Variants in STX8 observed in about 807,000 individuals in gnomAD.
The protein encoded by STX8 is syntaxin-8.
STX8 carries 23 observed loss-of-function variants against 37.5 expected under a neutral mutation model. The observed-to-expected ratio is 0.61, with a 90% CI of 0.44 to 0.87. The LOEUF is 0.87. Ranked by LOEUF, STX8 falls within the 40% of genes least tolerant of loss-of-function variation. The pLI is 0.00. For missense variants in STX8, 313 were observed against 284.7 expected (o/e 1.10, Z -0.71); for synonymous variants, 115 against 99.1 (o/e 1.16, Z -0.95).
chr17:9,376,983 C>T (rs1911614053), intron 7 of STX8, among the ~76,000 whole-genome samples: 2 of 152,164 alleles, frequency 1.3e-5, no homozygotes, highest in Admixed American at 6.5e-5. Context: ...GGACCAGAAG[C>T]ACAGGGCAGG....
rs1371759405 is a variant in STX8 at position 9,333,986 on chromosome 17, A to G, written c.643+44566T>C. On this transcript the variant is annotated intron_variant, in intron 7 of 7. Transcript: ENST00000306357. The stretch of plus-strand genomic sequence containing the variant: ...GGAGACTGGAGTTTTATTATTACTC[A>G]AGCCAGTCTCCCTGAACATTTGGGG... Among the ~76,000 whole-genome samples the G allele has an allele frequency of 3.3e-5, 5 of 152,282 alleles. No individual in the cohort carries two copies. The East Asian group carries it at 7.7e-4, about 24-fold the overall frequency.
chr17:9,259,407 A>G (rs1346618484), intron 7 of STX8, among the ~76,000 whole-genome samples: 2 of 152,242 alleles, frequency 1.3e-5, no homozygotes, highest in Non-Finnish European at 2.9e-5. Context: ...TCTCAGCTTA[A>G]CAACAGAAAT....
At chr17:9,488,545 A>G (rs1274877587) in intron 6 of STX8, among the ~76,000 whole-genome samples, 1 of 152,108 alleles carries the variant, frequency 6.6e-6, no homozygotes, top group East Asian at 1.9e-4. Flanking sequence ...TAAAAGTAGA[A>G]GAGGGAGGCA....
At chr17:9,390,140 C>T (rs918136413) in intron 6 of STX8, among the ~76,000 whole-genome samples, 1 of 152,180 alleles carries the variant, frequency 6.6e-6, no homozygotes, top group Non-Finnish European at 1.5e-5. Flanking sequence ...TTATACACAG[C>T]CAGATGGGCC....
chr17:9,372,779 ATTT>A (rs72485507), intron 7 of STX8, among the ~76,000 whole-genome samples: 17 of 109,538 alleles, frequency 1.6e-4, no homozygotes, highest in Admixed American at 2.9e-4. Flanking sequence ...CCCAGCCCTC[ATTT>A]TTTTTTTTTT....
chr17:9,494,335 A>G (rs576725408), intron 5 of STX8, among the ~76,000 whole-genome samples: 1 of 151,062 alleles, frequency 6.6e-6, no homozygotes, highest in South Asian at 2.1e-4. Context: ...GTTCTTAAGT[A>G]AAAAAGCAGG....
intron 7 of STX8, among the ~76,000 whole-genome samples, chr17:9,272,577 T>C (rs1907505410): frequency 1.3e-5 from 2 of 152,184 alleles, no homozygotes; most frequent in Admixed American, 6.5e-5. Flanking sequence ...CTGTCTGCCA[T>C]CCCAGAGCGT....
At chr17:9,280,939 T>C (rs1302206818) in intron 7 of STX8, among the ~76,000 whole-genome samples, 1 of 152,132 alleles carries the variant, frequency 6.6e-6, no homozygotes, top group African/African-American at 2.4e-5. Context: ...ACAAAGATGT[T>C]GGATGCAGAG....
intron 1 of STX8, among the ~76,000 whole-genome samples, chr17:9,569,322 G>A (rs751666021): frequency 5.3e-5 from 8 of 152,116 alleles, no homozygotes; most frequent in African/African-American, 9.7e-5. Flanking sequence ...GAAGAAAAAC[G>A]CAGCAGGATA....
At chr17:9,527,722 G>T (rs1238833128) in intron 4 of STX8, among the ~76,000 whole-genome samples, 2 of 152,136 alleles carry the variant, frequency 1.3e-5, no homozygotes, top group Admixed American at 6.5e-5. Flanking sequence ...ATCAAGTTCT[G>T]TAACGCCCAC....
intron 7 of STX8, among the ~76,000 whole-genome samples, chr17:9,288,806 A>G (rs991290970): frequency 2.0e-5 from 3 of 152,148 alleles, no homozygotes; most frequent in Non-Finnish European, 4.4e-5. Context: ...CAAGGATTAA[A>G]CTATGAAACC....
intron 7 of STX8, among the ~76,000 whole-genome samples, chr17:9,315,684 G>T (rs1909360142): frequency 6.6e-6 from 1 of 152,040 alleles, no homozygotes; most frequent in Non-Finnish European, 1.5e-5. Context: ...TCTATCGGAG[G>T]CTATGCTTCC....
chr17:9,537,806 CCATA>C (rs1906119339), intron 4 of STX8, among the ~76,000 whole-genome samples: 1 of 152,190 alleles, frequency 6.6e-6, no homozygotes, highest in African/African-American at 2.4e-5. Flanking sequence ...TAAGTATTAA[CCATA>C]CAGTCTCCCT....
chr17:9,424,211 G>A (rs9912228), intron 6 of STX8, among the ~76,000 whole-genome samples: 36,132 of 151,868 alleles, frequency 0.24, 4,534 homozygotes, highest in Middle Eastern at 0.29. Context: ...GCCCTGACAA[G>A]AGAATAACAG....
chr17:9,423,360 C>A (rs936835539), intron 6 of STX8, among the ~76,000 whole-genome samples: 1 of 152,190 alleles, frequency 6.6e-6, no homozygotes, highest in Non-Finnish European at 1.5e-5. Flanking sequence ...GTCTCTCTCT[C>A]TGTCACCCAG....
chr17:9,464,265 AGGTGT>A (rs879102961), intron 6 of STX8, among the ~76,000 whole-genome samples: 1 of 150,258 alleles, frequency 6.7e-6, no homozygotes, highest in Admixed American at 6.6e-5. Context: ...ATAAATAGAA[AGGTGT>A]GGTGAGGGAT....
At chr17:9,425,414 T>C (rs1287134767) in intron 6 of STX8, among the ~76,000 whole-genome samples, 3 of 152,214 alleles carry the variant, frequency 2.0e-5, no homozygotes, top group African/African-American at 7.2e-5. Context: ...ATACTGTTAA[T>C]ATCTGAATGG....
At chr17:9,260,200 G>A (rs954069309) in intron 7 of STX8, among the ~76,000 whole-genome samples, 8 of 152,186 alleles carry the variant, frequency 5.3e-5, no homozygotes, top group African/African-American at 1.9e-4. Flanking sequence ...ATGTGTGGCT[G>A]TAATCCCAGC....
chr17:9,453,865 T>C (rs1318784934), intron 6 of STX8, among the ~76,000 whole-genome samples: 1 of 152,188 alleles, frequency 6.6e-6, no homozygotes, highest in Non-Finnish European at 1.5e-5. Context: ...ATGAGTCTCT[T>C]GCTCTCCTAA....
Sources: allele counts gnomAD v4.1 joint callset (sites outside exome capture counted in the v4.1 genomes callset), GRCh38; gene constraint gnomAD v4.1.1; transcripts MANE v1.5; gene names NCBI Gene and HGNC (gene_info 2026-07-23, HGNC 2026-07-21).